RXYLT1: variants seen among roughly 807,000 people sequenced by gnomAD.
RXYLT1 encodes the protein ribitol-5-phosphate xylosyltransferase 1.
Under a neutral mutation model 43.5 loss-of-function variants are expected in RXYLT1, and 41 were observed. The observed-to-expected ratio is 0.94, with a 90% CI of 0.73 to 1.22. The LOEUF is 1.22. Among genes scored for constraint, RXYLT1 ranks in the 50% most tolerant of loss-of-function variants. The pLI, the probability that RXYLT1 is intolerant of heterozygous loss-of-function variation, is 0.00. For synonymous variants in RXYLT1, 166 were observed against 194.4 expected (o/e 0.85, Z 1.21); for missense variants, 514 against 532.0 (o/e 0.97, Z 0.33).
chr12:63,804,707 T>C (rs1005407916), intron 4 of RXYLT1: 3 of 152,260 alleles, frequency 2.0e-5, no homozygotes, highest in Admixed American at 1.3e-4. Flanking sequence ...TTTTGAAATA[T>C]ACAGTGCATT....
At chr12:63,808,611 A>G in intron 5 of RXYLT1, 64 bp from the exon 6 acceptor site, 1 of 1,523,284 alleles carries the variant, frequency 6.6e-7, no homozygotes, top group Non-Finnish European at 8.8e-7. Flanking sequence ...AAGATAAGGT[A>G]TTTTTGTTCA....
In RXYLT1 at chr12:63,809,526, G is replaced by T; in HGVS notation, c.*434G>T. 6.5e-6 allele frequency: 1 copy of T among 154,922 alleles called. No individual in the cohort carries two copies. Among genetic ancestry groups the T allele is most frequent in the Non-Finnish European group, 1.4e-5 (1 of 70,256 alleles). The allele number at this position is 154,922 out of a possible 1,614,324, so 9.6% of individuals were successfully genotyped here. A position where few individuals can be genotyped will look rare whatever the true frequency, so the allele number is the denominator to read the frequency against. ...TACAATTTGTATTAGTTCTTGCATT[G>T]CTATGAATAAATGCCTGAGATTGAG... On this transcript the variant is annotated 3_prime_UTR_variant, in exon 6 of 6. Transcript: ENST00000261234.
rs906759972 is a variant in RXYLT1 at position 63,794,014 on chromosome 12, C to T, written c.429-8077C>T. On this transcript the variant is annotated intron_variant, in intron 3 of 5. Transcript: ENST00000261234. ...ATCTCTTAAAGTAGGCCTCAACTAC[C>T]GAGCAAAGAGATCCTTGCTTGGAGG... Among the ~76,000 whole-genome samples the T allele has an allele frequency of 3.9e-5, 6 of 152,204 alleles. No individual in the cohort carries two copies. In the South Asian group the frequency reaches 6.2e-4, roughly 16 times the overall value.
At chr12:63,802,550 G>T in intron 4 of RXYLT1, 145 bp downstream of exon 4, 1 of 647,600 alleles carries the variant, frequency 1.5e-6, no homozygotes, top group Non-Finnish European at 2.4e-6. Context: ...AAAACAGGGT[G>T]TGGTCGCATC....
At chr12:63,784,903 T>G (rs1262183093) in intron 2 of RXYLT1, 67 bp from the exon 3 acceptor site, 22 of 1,364,364 alleles carry the variant, frequency 1.6e-5, no homozygotes, top group Non-Finnish European at 2.3e-5. Flanking sequence ...AACGTAAACT[T>G]GTCTCATGCA....
chr12:63,794,676 G>A (rs1022614523), intron 3 of RXYLT1, among the ~76,000 whole-genome samples: 2 of 152,080 alleles, frequency 1.3e-5, no homozygotes, highest in African/African-American at 4.8e-5. Flanking sequence ...CTTTTGACCG[G>A]GCATGGTGGC....
intron 4 of RXYLT1, among the ~76,000 whole-genome samples, chr12:63,803,121 A>G (rs1477245436): frequency 1.5e-5 from 2 of 130,880 alleles, no homozygotes; most frequent in Admixed American, 9.0e-5. Flanking sequence ...CAGGAGATTG[A>G]GCTGAGATTG....
chr12:63,804,060 C>G (rs4763000), intron 4 of RXYLT1: 7,551 of 152,178 alleles, frequency 0.05, 475 homozygotes, highest in East Asian at 0.28. Flanking sequence ...GCCATGTTGG[C>G]CAGGCTGGTC....
Position 63,802,251 on chromosome 12 carries a change from G to C in RXYLT1, c.589G>C (p.Ala197Pro). 6.2e-7 allele frequency: 1 copy of C among 1,614,070 alleles called. No individual in the cohort carries two copies. Among genetic ancestry groups the C allele is most frequent in the Non-Finnish European group, 8.5e-7 (1 of 1,180,006 alleles). ...GCAAATTCAAAAACTCCAGCATCTT[G>C]CTGTTGTTTTGCTCGGAAATGAACA... is the stretch of plus-strand genomic sequence containing the variant. ...LVQIQKLQHL[A>P]VVLLGNEHCD... The change falls in exon 4 of 6, where the codon GCT becomes CCT. Residue 197 changes from alanine (A) to proline (P), a missense_variant. Coordinates refer to ENST00000261234, the MANE Select transcript of RXYLT1 (RefSeq NM_014254.3).
At chr12:63,806,258 C>A (rs990443126) in intron 5 of RXYLT1, 2 of 152,224 alleles carry the variant, frequency 1.3e-5, no homozygotes, top group African/African-American at 4.8e-5. Context: ...CCATGCCCTC[C>A]TGGCACTTAA....
intron 3 of RXYLT1, among the ~76,000 whole-genome samples, chr12:63,789,168 T>C: frequency 6.6e-6 from 1 of 152,140 alleles, no homozygotes; most frequent in East Asian, 1.9e-4. Flanking sequence ...GCATTCATTA[T>C]AGGGTTATTA....
chr12:63,788,940 T>G (rs1897863217), intron 3 of RXYLT1, among the ~76,000 whole-genome samples: 1 of 152,174 alleles, frequency 6.6e-6, no homozygotes, highest in Non-Finnish European at 1.5e-5. Flanking sequence ...CAACCCACCT[T>G]ATTTTATTGT....
chr12:63,782,649 T>C (rs893471740), intron 2 of RXYLT1: 3 of 456,472 alleles, frequency 6.6e-6, no homozygotes, highest in African/African-American at 6.0e-5. Context: ...CTGCAGATCT[T>C]TTCTGAGTAA....
At chr12:63,802,709 A>G (rs1898190910) in intron 4 of RXYLT1, among the ~76,000 whole-genome samples, 1 of 152,134 alleles carries the variant, frequency 6.6e-6, no homozygotes, top group Non-Finnish European at 1.5e-5. Flanking sequence ...GAGAAATGGC[A>G]GATAGATTTT....
At chr12:63,781,317 C>A in intron 2 of RXYLT1, 143 bp downstream of exon 2, 1 of 796,520 alleles carries the variant, frequency 1.3e-6, no homozygotes, top group Non-Finnish European at 1.8e-6. Flanking sequence ...GTCAATAATT[C>A]CTTTCTCCTT....
Position 63,808,899 on chromosome 12 carries a change from G to C in RXYLT1, c.1139G>C (p.Gly380Ala), listed in dbSNP as rs1898381250. 1 of 1,614,074 alleles carries C rather than the reference G, an allele frequency of 6.2e-7. No individual in the cohort carries two copies. ...GAPLQLLKSM[G>A]APFIFIKNWK... ...CCTCTGCAGTTACTCAAGTCCATGG[G>C]TGCTCCCTTTATCTTTATCAAGAAC... is the stretch of plus-strand genomic sequence containing the variant. The change falls in exon 6 of 6, where the codon GGT becomes GCT. Residue 380 changes from glycine (G) to alanine (A), a missense_variant. Physicochemically the swap from Gly to Ala is moderately conservative, Grantham distance 60. Coordinates refer to ENST00000261234, the MANE Select transcript of RXYLT1 (RefSeq NM_014254.3).
At chr12:63,804,719 T>C (rs182061942) in intron 4 of RXYLT1, 5 of 152,402 alleles carry the variant, frequency 3.3e-5, no homozygotes, top group Non-Finnish European at 7.3e-5. Flanking sequence ...CAGTGCATTA[T>C]TATTTATTAT....
In RXYLT1 at chr12:63,781,089, A is replaced by C; in HGVS notation, c.240A>C (p.Arg80Ser). The C allele has an allele frequency of 6.2e-7, 1 of 1,610,624 alleles. No homozygotes were observed. Among genetic ancestry groups the C allele is most frequent in the African/African-American group, 1.3e-5 (1 of 74,918 alleles). The change falls in exon 2 of 6, where the codon AGA becomes AGC. Residue 80 changes from arginine (R) to serine (S), a missense_variant. Physicochemically the swap from Arg to Ser is moderately radical, Grantham distance 110 (BLOSUM62 -1). Coordinates refer to ENST00000261234, the MANE Select transcript of RXYLT1 (RefSeq NM_014254.3). Reference protein sequence around the residue: ...EGDEKNEQQHRFKTSLQILDK... With the variant: ...EGDEKNEQQHSFKTSLQILDK... The stretch of plus-strand genomic sequence containing the variant: ...ATGAAAAAAATGAGCAACAACACAG[A>C]TTTAAAACTAGCCTTCAAATATTAG...
chr12:63,797,087 C>T lies in RXYLT1; in HGVS notation c.429-5004C>T, dbSNP rs1898051911. 3.3e-5 allele frequency among the ~76,000 whole-genome samples: 5 copies of T among 151,740 alleles called. No homozygotes were observed. In the South Asian group the frequency reaches 1.0e-3, roughly 32 times the overall value. On this transcript the variant is annotated intron_variant, in intron 3 of 5. Transcript: ENST00000261234. ...CAAGCAATTCTCCTGCCTCAGCCTC[C>T]CAAGTAGCTGGGATTACAGGCACCT...
Sources: gnomAD v4.1 joint callset for allele counts (sites outside exome capture counted in the v4.1 genomes callset) on GRCh38, gnomAD v4.1.1 for gene constraint, MANE v1.5 for transcripts, NCBI Gene and HGNC (gene_info 2026-07-23, HGNC 2026-07-21) for gene names.